Variants in RAPGEF2 observed in about 807,000 individuals in gnomAD.
RAPGEF2 encodes PDZ domain containing guanine nucleotide exchange factor (GEF) 1.
In RAPGEF2, 54 loss-of-function variants were observed where a neutral mutation model predicts 186.7. The observed-to-expected ratio is 0.29, with a 90% CI of 0.23 to 0.36. The LOEUF is 0.36. RAPGEF2 is among the 10% of genes least tolerant of loss of function. RAPGEF2 has a pLI of 1.00. For synonymous variants in RAPGEF2, 712 were observed against 705.9 expected, an observed-to-expected ratio of 1.01 and a Z score of -0.14; for missense variants, 1,532 against 2,045.0, an observed-to-expected ratio of 0.75 and a Z score of 4.84.
chr4:159,264,726 C>T (rs1307065886), intron 7 of RAPGEF2, among the ~76,000 whole-genome samples: 1 of 152,158 alleles, frequency 6.6e-6, no homozygotes, highest in Non-Finnish European at 1.5e-5. Flanking sequence ...AGTTAAAACT[C>T]TGTGCCATCA....
At chr4:159,145,160 C>T (rs560895766) in intron 1 of RAPGEF2, among the ~76,000 whole-genome samples, 174 of 151,932 alleles carry the variant, frequency 1.1e-3, no homozygotes, top group Non-Finnish European at 2.1e-3. Context: ...GGATTACAGC[C>T]GTGAGCCACT....
chr4:159,141,578 G>C (rs1352315467), intron 1 of RAPGEF2, among the ~76,000 whole-genome samples: 2 of 141,224 alleles, frequency 1.4e-5, no homozygotes, highest in Non-Finnish European at 3.3e-5. Context: ...TGGAGACTAA[G>C]TGTGTATATA....
chr4:159,150,043 A>G (rs1356006510), intron 1 of RAPGEF2, among the ~76,000 whole-genome samples: 1 of 152,196 alleles, frequency 6.6e-6, no homozygotes, highest in African/African-American at 2.4e-5. Context: ...CGCAAATCCC[A>G]GTAGAAGGTT....
intron 4 of RAPGEF2, among the ~76,000 whole-genome samples, chr4:159,226,709 C>A (rs1752074438): frequency 6.6e-6 from 1 of 152,018 alleles, no homozygotes; most frequent in African/African-American, 2.4e-5. Flanking sequence ...TGTATTTATT[C>A]CTCAGTATTT....
intron 3 of RAPGEF2, among the ~76,000 whole-genome samples, chr4:159,194,850 A>AG (rs781312801): frequency 1.2e-4 from 18 of 152,250 alleles, no homozygotes; most frequent in Non-Finnish European, 2.5e-4. Flanking sequence ...GTTCCCTCAA[A>AG]GGTAATACCT....
At chr4:159,185,415 A>G (rs1251986658) in intron 1 of RAPGEF2, among the ~76,000 whole-genome samples, 1 of 152,224 alleles carries the variant, frequency 6.6e-6, no homozygotes, top group Admixed American at 6.5e-5. Flanking sequence ...GGAAGATCCT[A>G]AATGTCCATC....
chr4:159,289,261 T>G (rs565855773), intron 7 of RAPGEF2, among the ~76,000 whole-genome samples: 1 of 152,194 alleles, frequency 6.6e-6, no homozygotes, highest in Non-Finnish European at 1.5e-5. Flanking sequence ...ATGAATCTTA[T>G]GGTTCTGAGT....
intron 3 of RAPGEF2, among the ~76,000 whole-genome samples, chr4:159,206,544 TA>T (rs1046715410): frequency 6.6e-6 from 1 of 152,172 alleles, no homozygotes; most frequent in Non-Finnish European, 1.5e-5. Context: ...TCATTTTTCT[TA>T]AAAAAACCAT....
chr4:159,217,277 G>A (rs1441284913), intron 4 of RAPGEF2, among the ~76,000 whole-genome samples: 1 of 152,134 alleles, frequency 6.6e-6, no homozygotes, highest in Non-Finnish European at 1.5e-5. Context: ...CACCCAGATA[G>A]TGAGCAAAGT....
chr4:159,268,504 G>C (rs1026512091), intron 7 of RAPGEF2, among the ~76,000 whole-genome samples: 2 of 152,064 alleles, frequency 1.3e-5, no homozygotes, highest in South Asian at 2.1e-4. Context: ...GTTCAGCTTC[G>C]ACTTAGTACT....
rs757481778 is a variant in RAPGEF2 at position 159,353,495 on chromosome 4, C to T, written c.4100C>T (p.Ala1367Val). Residue 1367 changes from alanine (A) to valine (V), a missense_variant, in exon 28 of 30, where the codon GCA becomes GTA. This residue lies in a region of RAPGEF2 where 594 missense variants were observed against 608.5 expected (regional missense o/e 0.98). Transcript: ENST00000691494. This position sits in a 1 kb window ranked among gnomAD's most constrained non-coding sequence, Gnocchi z 4.3. ...TTCTTTTAACCACTTAGGTCCTATG[C>T]ACCAATGTCCGAGGGCCGAGGCTTA... ...EPDQYSLGSY[A>V]PMSEGRGLYA... The T allele has an allele frequency of 4.7e-6, 7 of 1,478,416 alleles. No homozygotes were observed. The highest frequency in any genetic ancestry group is 2.4e-5 in the East Asian group (1 of 42,524). The allele number at this position is 1,478,416 out of a possible 1,614,324, so 91.6% of individuals were successfully genotyped here. A position where few individuals can be genotyped will look rare whatever the true frequency, so the allele number is the denominator to read the frequency against.
intron 8 of RAPGEF2, among the ~76,000 whole-genome samples, chr4:159,310,729 G>A (rs892134608): frequency 1.1e-4 from 16 of 151,964 alleles, no homozygotes; most frequent in Admixed American, 4.6e-4. Flanking sequence ...GAGTTATTTG[G>A]CTAACATAAC....
intron 1 of RAPGEF2, among the ~76,000 whole-genome samples, chr4:159,145,482 C>T (rs1336204007): frequency 1.3e-5 from 2 of 151,632 alleles, no homozygotes; most frequent in African/African-American, 4.8e-5. Context: ...AAAACATTGC[C>T]AAAACATTGC....
At chr4:159,332,113 A>C (rs1440845042) in intron 16 of RAPGEF2, 79 bp downstream of exon 16, 2 of 930,814 alleles carry the variant, frequency 2.1e-6, no homozygotes, top group Non-Finnish European at 3.3e-6. Flanking sequence ...GAAAGCATAT[A>C]TGGTAAAAGC....
At position 159,157,666 on chromosome 4, in the gene RAPGEF2, C is replaced by T. The variant is rs528006623; in HGVS notation, c.70-28976C>T. Among the ~76,000 whole-genome samples the T allele has an allele frequency of 1.3e-3, 199 of 152,262 alleles. 3 individuals carry two copies. In the South Asian group the frequency reaches 0.037, roughly 28 times the overall value. ...GTCTAAAGGAATTCTTCACCAAGTC[C>T]GTTCTTCAGGGGGAAGGGGAAACCT... is the stretch of plus-strand genomic sequence containing the variant. On this transcript the variant is annotated intron_variant, in intron 1 of 29. Coordinates refer to ENST00000691494, the MANE Select transcript of RAPGEF2 (RefSeq NM_001394067.2).
chr4:159,323,999 C>T (rs892541687), intron 11 of RAPGEF2, among the ~76,000 whole-genome samples: 12 of 151,678 alleles, frequency 7.9e-5, no homozygotes, highest in Non-Finnish European at 1.6e-4. Flanking sequence ...TGGGTTCAAG[C>T]GATTCTCCTG....
At chr4:159,144,673 T>A (rs1424309400) in intron 1 of RAPGEF2, among the ~76,000 whole-genome samples, 1 of 152,208 alleles carries the variant, frequency 6.6e-6, no homozygotes, top group Admixed American at 6.5e-5. Flanking sequence ...GGTTTTGGGA[T>A]GTTATTATCT....
intron 7 of RAPGEF2, among the ~76,000 whole-genome samples, chr4:159,251,757 TCTGTAAAATGGACCAATCAGCTC>T (rs1755436691): frequency 1.3e-5 from 2 of 150,832 alleles, no homozygotes; most frequent in Admixed American, 1.3e-4. Context: ...CAATCAGCTG[TCTGTAAAATGGACCAATCAGCTC>T]TCTGTAAAAT....
intron 4 of RAPGEF2, among the ~76,000 whole-genome samples, chr4:159,215,115 G>C (rs1399243662): frequency 1.3e-5 from 2 of 152,080 alleles, no homozygotes; most frequent in Non-Finnish European, 2.9e-5. Context: ...CTCCCACCTT[G>C]GCCTCCCAAA....
Sources: gnomAD v4.1 joint callset for allele counts (sites outside exome capture counted in the v4.1 genomes callset) on GRCh38, gnomAD v4.1.1 for gene constraint, gnomAD v4.1.1 regional missense constraint, Gnocchi (gnomAD v3.1) non-coding constraint, MANE v1.5 for transcripts, NCBI Gene and HGNC (gene_info 2026-07-23, HGNC 2026-07-21) for gene names.